Variants in STAG3 observed in about 807,000 individuals in gnomAD.
The protein encoded by STAG3 is cohesin subunit SA-3.
Under a neutral mutation model 160.7 loss-of-function variants are expected in STAG3, and 101 were observed. The observed-to-expected ratio is 0.63, with a 90% CI of 0.54 to 0.74. STAG3 has a LOEUF of 0.74. Ranked by LOEUF, STAG3 falls within the 30% of genes least tolerant of loss-of-function variation. The pLI is 0.00. For synonymous variants in STAG3, 519 were observed against 585.0 expected, an observed-to-expected ratio of 0.89 and a Z score of 1.63; for missense variants, 1,188 against 1,517.4, an observed-to-expected ratio of 0.78 and a Z score of 3.61.
At position 100,200,495 on chromosome 7, in the gene STAG3, C is replaced by T. The variant is rs762833233; in HGVS notation, c.1813C>T (p.Leu605Phe). The T allele has an allele frequency of 1.2e-6, 2 of 1,614,154 alleles. No homozygotes were observed. Among genetic ancestry groups the T allele is most frequent in the African/African-American group, 2.7e-5 (2 of 75,048 alleles). Reference sequence around the variant, plus strand: ...GAAGGTCACTCCCCTGCTCCAGCTTCTCAGCTGCTTTGACCTCCACATCTA... The same window carrying T: ...GAAGGTCACTCCCCTGCTCCAGCTTTTCAGCTGCTTTGACCTCCACATCTA... Reference protein sequence around the residue: ...AEKVTPLLQLLSCFDLHIYCT... With the variant: ...AEKVTPLLQLFSCFDLHIYCT... Residue 605 changes from leucine (L) to phenylalanine (F), a missense_variant, in exon 18 of 34, where the codon CTC becomes TTC. Physicochemically the swap from Leu to Phe is conservative, Grantham distance 22. This residue lies in a region of STAG3 where 240 missense variants were observed against 358.1 expected (regional missense o/e 0.67). Coordinates refer to ENST00000615138, the MANE Select transcript of STAG3 (RefSeq NM_001282717.2).
rs2117314202 is a variant in STAG3, at chr7:100,200,777, G to A, written c.1869G>A (p.Glu623=). ...CTGCCTTTTCTTCTCAGCACCTGGA[G>A]CTGTTCCTGCAGCAACTCCAGGAGG... is the stretch of plus-strand genomic sequence containing the variant. ...YCTGRLEKHL[E]LFLQQLQEVV... is the part of the protein sequence containing the mutation. Residue 623 remains glutamate, a synonymous_variant, in exon 19 of 34, where the codon GAG becomes GAA. Coordinates refer to ENST00000615138, the MANE Select transcript of STAG3 (RefSeq NM_001282717.2). 1 of 1,614,106 alleles carries A rather than the reference G, an allele frequency of 6.2e-7. No homozygotes were observed. Among genetic ancestry groups the A allele is most frequent in the Non-Finnish European group, 8.5e-7 (1 of 1,180,010 alleles).
At chr7:100,212,053 A>C (rs1413042879) in intron 32 of STAG3, 177 bp downstream of exon 32, 2 of 546,642 alleles carry the variant, frequency 3.7e-6, no homozygotes, top group Admixed American at 6.9e-5. Context: ...CTCTACTTTT[A>C]TTAAAGAATA....
chr7:100,211,953 C>A, intron 32 of STAG3, 77 bp downstream of exon 32: 3 of 1,369,298 alleles, frequency 2.2e-6, no homozygotes, highest in East Asian at 2.4e-5. Flanking sequence ...TGTTTCCCCT[C>A]TCTCCGCTCG....
rs530255812 is a variant in STAG3 at position 100,214,294 on chromosome 7, A to G, written c.*279A>G. 1.5e-3 allele frequency: 761 copies of G among 493,230 alleles called. 1 individual carries two copies. Among genetic ancestry groups the G allele is most frequent in the Non-Finnish European group, 2.4e-3 (661 of 279,556 alleles). 30.6% of individuals were successfully genotyped at this position (493,230 alleles called of 1,614,324 possible). On this transcript the variant is annotated 3_prime_UTR_variant, in exon 34 of 34. Coordinates refer to ENST00000615138, the MANE Select transcript of STAG3 (RefSeq NM_001282717.2). ...GGCAGCACCTCTGTGTTTAATGGAA[A>G]TAGCCCATAGTCTCCTGGATTTTTG...
intron 31 of STAG3, 36 bp downstream of exon 31, chr7:100,211,575 G>T: frequency 6.2e-7 from 1 of 1,605,690 alleles, no homozygotes. Context: ...CTTCACTTCA[G>T]ATCTGTCGCC....
intron 32 of STAG3, chr7:100,212,792 C>T (rs1802364495): frequency 6.6e-6 from 1 of 152,034 alleles, no homozygotes; most frequent in South Asian, 2.1e-4. Flanking sequence ...AGCTGTTAGC[C>T]TGTAGTTCCA....
Position 100,178,466 on chromosome 7 carries a change from T to A in STAG3, c.-65+461T>A, listed in dbSNP as rs149468135. 9.9e-5 allele frequency among the ~76,000 whole-genome samples: 15 copies of A among 152,178 alleles called. No homozygotes were observed. The East Asian group carries it at 2.1e-3, about 22-fold the overall frequency. ...TTCTTATTTCTTTCTTTATTTTTTTTATTTCATTTTAAAAAACCTGTAAGT... is the reference window on the plus strand; with the variant it reads ...TTCTTATTTCTTTCTTTATTTTTTTAATTTCATTTTAAAAAACCTGTAAGT... On this transcript the variant is annotated intron_variant, in intron 1 of 33. Transcript: ENST00000615138.
At chr7:100,192,688 T>C (rs1800414843) in intron 8 of STAG3, among the ~76,000 whole-genome samples, 1 of 152,202 alleles carries the variant, frequency 6.6e-6, no homozygotes, top group Non-Finnish European at 1.5e-5. Context: ...CCTCCTGTGC[T>C]CAAGTGATGT....
At chr7:100,179,277 G>A (rs1170931339) in intron 1 of STAG3, among the ~76,000 whole-genome samples, 2 of 112,836 alleles carry the variant, frequency 1.8e-5, no homozygotes, top group East Asian at 5.9e-4. Context: ...TTTTTTTTTT[G>A]GGTGTGTCTC....
At chr7:100,210,869 G>A in intron 29 of STAG3, 142 bp from the exon 30 acceptor site, 1 of 875,464 alleles carries the variant, frequency 1.1e-6, no homozygotes. Context: ...ATGCCCATTT[G>A]AGGGCAACAG....
At position 100,182,913 on chromosome 7, in the gene STAG3, T is replaced by C. The variant is rs930182168; in HGVS notation, c.336+74T>C. 1.4e-5 allele frequency: 22 copies of C among 1,534,604 alleles called. No individual in the cohort carries two copies. In the Admixed American group the frequency reaches 3.7e-4, roughly 26 times the overall value. ...TGGTAAGGACAAGTGTCTACAAACT[T>C]GATTTGACGTGAACATTTTAGTGAG... is the stretch of plus-strand genomic sequence containing the variant. On this transcript the variant is annotated intron_variant, in intron 4 of 33. Transcript: ENST00000615138.
chr7:100,214,218 A>C lies in STAG3; in HGVS notation c.*203A>C. ...CGAGAGACCCTGTCCTCCCTAATGC[A>C]CTGTGGCCCAGTCCCCTTGCCTTTT... On this transcript the variant is annotated 3_prime_UTR_variant, in exon 34 of 34. Transcript: ENST00000615138. 1.6e-6 allele frequency: 1 copy of C among 631,210 alleles called. No homozygotes were observed. The highest frequency in any genetic ancestry group is 2.0e-5 in the South Asian group (1 of 50,510). The allele number at this position is 631,210 out of a possible 1,614,324, so 39.1% of individuals were successfully genotyped here.
rs546792999 is a variant in STAG3, at chr7:100,198,715, T to C, written c.1353-128T>C. The C allele has an allele frequency of 3.4e-5, 42 of 1,243,080 alleles. No homozygotes were observed. In the African/African-American group the frequency reaches 5.8e-4, roughly 17 times the overall value. The allele number at this position is 1,243,080 out of a possible 1,614,324, so 77.0% of individuals were successfully genotyped here. On this transcript the variant is annotated intron_variant, in intron 13 of 33. Coordinates refer to ENST00000615138, the MANE Select transcript of STAG3 (RefSeq NM_001282717.2). ...GTGTCTCCTTTCTTCTCGCAGCTCC[T>C]TGGGGCTTTCCTTAGCTCTCACCTC...
At chr7:100,203,876 A>C (rs1801382838) in intron 25 of STAG3, 145 bp from the exon 26 acceptor site, 2 of 579,420 alleles carry the variant, frequency 3.5e-6, no homozygotes, top group East Asian at 3.0e-5. Context: ...TTAGAGATGA[A>C]GTCTAGTCTG....
In STAG3 at chr7:100,211,853, G is replaced by A. The variant is rs755726899; in HGVS notation, c.3577G>A (p.Glu1193Lys). ...EELEIQDESN[E>K]ERQDTDMQAS... ...GTTAGAAATCCAGGATGAGTCAAAT[G>A]AAGAACGGCAGGATACAGACATGGT... Residue 1193 changes from glutamate (E) to lysine (K), a missense_variant, in exon 32 of 34, where the codon GAA becomes AAA. Coordinates refer to ENST00000615138, the MANE Select transcript of STAG3 (RefSeq NM_001282717.2). 3.1e-6 allele frequency: 5 copies of A among 1,614,056 alleles called. No individual in the cohort carries two copies. The highest frequency in any genetic ancestry group is 4.2e-6 in the Non-Finnish European group (5 of 1,180,000).
At chr7:100,193,165 A>G (rs1481307505) in intron 8 of STAG3, among the ~76,000 whole-genome samples, 1 of 152,196 alleles carries the variant, frequency 6.6e-6, no homozygotes, top group Admixed American at 6.5e-5. Flanking sequence ...GGCCTCACCC[A>G]TGTGCTTAAA....
intron 29 of STAG3, among the ~76,000 whole-genome samples, chr7:100,210,055 G>A (rs1222538503): frequency 6.6e-6 from 1 of 152,180 alleles, no homozygotes; most frequent in Non-Finnish European, 1.5e-5. Flanking sequence ...GGACATGAAC[G>A]TGAGTGGCTG....
intron 9 of STAG3, among the ~76,000 whole-genome samples, chr7:100,196,637 CA>C (rs1235130209): frequency 6.6e-6 from 1 of 152,094 alleles, no homozygotes; most frequent in Non-Finnish European, 1.5e-5. Context: ...ACTAAAAATA[CA>C]AAAAGGAAGC....
At chr7:100,198,000 A>C in intron 11 of STAG3, 87 bp from the exon 12 acceptor site, 2 of 1,532,700 alleles carry the variant, frequency 1.3e-6, no homozygotes, top group East Asian at 2.2e-5. Flanking sequence ...CTACGTAGGC[A>C]CTCTCTTTAG....
Sources: gnomAD v4.1 joint callset for allele counts (sites outside exome capture counted in the v4.1 genomes callset) on GRCh38, gnomAD v4.1.1 for gene constraint, gnomAD v4.1.1 regional missense constraint, MANE v1.5 for transcripts, NCBI Gene and HGNC (gene_info 2026-07-23, HGNC 2026-07-21) for gene names.